Variants in CXCL16 observed in about 807,000 individuals in gnomAD.
CXCL16 encodes C-X-C motif chemokine ligand 16.
In CXCL16, 18 loss-of-function variants were observed where a neutral mutation model predicts 23.8. The observed-to-expected ratio is 0.76, with a 90% CI of 0.52 to 1.12. CXCL16 has a LOEUF of 1.12. CXCL16 is among the 50% of genes most tolerant of loss of function. CXCL16 has a pLI of 0.00. For missense variants in CXCL16, 297 were observed against 315.4 expected (o/e 0.94, Z 0.44); for synonymous variants, 123 against 132.5 (o/e 0.93, Z 0.49).
chr17:4,739,680 G>A lies in CXCL16; in HGVS notation c.-341C>T, dbSNP rs1045141935. On this transcript the variant is annotated 5_prime_UTR_variant, in exon 1 of 6. Transcript: ENST00000293778. The surrounding 1 kb of genome is among the most constrained non-coding windows in gnomAD (Gnocchi z 5.3). The stretch of plus-strand genomic sequence containing the variant: ...AAAACTCCGGCGGCGGGCGAGGAGG[G>A]GCGGGAGGACGACGGCCCGAGGAGC... The A allele has an allele frequency of 2.0e-5, 15 of 739,902 alleles. No individual in the cohort carries two copies. Among genetic ancestry groups the A allele is most frequent in the Middle Eastern group, 8.5e-4 (2 of 2,346 alleles). 45.8% of individuals were successfully genotyped at this position (739,902 alleles called of 1,614,324 possible). A position where few individuals can be genotyped will look rare whatever the true frequency, so the allele number is the denominator to read the frequency against.
chr17:4,735,099 G>A lies in CXCL16; in HGVS notation c.711C>T (p.Ser237=), dbSNP rs1220083144. The change falls in exon 4 of 6, where the codon TCC becomes TCT. Residue 237 remains serine (S), a synonymous_variant. Transcript: ENST00000293778. ...TTCAAAGGTCCAGTTTACCTGGAGA[G>A]GACTGCGGTGACTGCCCCCTCCTCC... ...CKRRRGQSPQ[S]SPDLPVHYIP... 1 of 1,607,988 alleles carries A rather than the reference G, an allele frequency of 6.2e-7. No individual in the cohort carries two copies. The highest frequency in any genetic ancestry group is 8.5e-7 in the Non-Finnish European group (1 of 1,175,836).
In CXCL16 at chr17:4,734,481, T is replaced by C; in HGVS notation, c.*24-2A>G. The C allele has an allele frequency of 1.3e-6, 1 of 753,062 alleles. No homozygotes were observed. Among genetic ancestry groups the C allele is most frequent in the Non-Finnish European group, 2.2e-6 (1 of 445,864 alleles). The allele number at this position is 753,062 out of a possible 1,614,324, so 46.6% of individuals were successfully genotyped here. On this transcript the variant is annotated splice_acceptor_variant, in intron 5 of 5. Transcript: ENST00000293778. LOFTEE classifies it low-confidence loss of function (3UTR_SPLICE). ...GCCTGGGCAACATAGAGTCCGTCTC[T>C]AAAAAACAAAAAACAAAAACAAGTA... is the stretch of plus-strand genomic sequence containing the variant.
Position 4,734,614 on chromosome 17 carries a change from T to C in CXCL16, c.757A>G (p.Asn253Asp). Residue 253 changes from asparagine (N) to aspartate (D), a missense_variant, in exon 5 of 6, where the codon AAT (asparagine) becomes GAT (aspartate). Asn to Asp is a conservative substitution (Grantham distance 23). Transcript: ENST00000293778. ...AAGCTTCCATTCTTGGCTCAGGTAT[T>C]AGAGTCAGGTGCCACAGGTATATAA... ...VHYIPVAPDSNT is the reference protein window; with the variant it reads ...VHYIPVAPDSDT 1 of 1,611,562 alleles carries C rather than the reference T, an allele frequency of 6.2e-7. No individual in the cohort carries two copies.
At chr17:4,736,070 CA>C (rs943344233) in intron 3 of CXCL16, among the ~76,000 whole-genome samples, 61 of 98,186 alleles carry the variant, frequency 6.2e-4, no homozygotes, top group Non-Finnish European at 5.3e-4. Flanking sequence ...AACTCCATCT[CA>C]AAAAAAAAAA....
In CXCL16 at chr17:4,734,618, G is replaced by A. The variant is rs1464791046; in HGVS notation, c.753C>T (p.Asp251=). ...TTCCATTCTTGGCTCAGGTATTAGA[G>A]TCAGGTGCCACAGGTATATAATGAA... is the stretch of plus-strand genomic sequence containing the variant. The part of the protein sequence containing the change: ...LPVHYIPVAP[D]SNT The change falls in exon 5 of 6, where the codon GAC becomes GAT. Residue 251 remains aspartate, a synonymous_variant. Transcript: ENST00000293778. The A allele has an allele frequency of 6.2e-7, 1 of 1,611,798 alleles. No homozygotes were observed. Among genetic ancestry groups the A allele is most frequent in the Non-Finnish European group, 8.5e-7 (1 of 1,177,926 alleles).
chr17:4,734,400 C>T lies in CXCL16; in HGVS notation c.*103G>A. ...GATGTGGTAGGTGACGCCTATAATC[C>T]TCGCACCTTCAGAGGCCAAGGTGGG... On this transcript the variant is annotated 3_prime_UTR_variant, in exon 6 of 6. Coordinates refer to ENST00000293778, the MANE Select transcript of CXCL16 (RefSeq NM_001386809.1). 2.1e-6 allele frequency: 1 copy of T among 486,212 alleles called. No individual in the cohort carries two copies. The highest frequency in any genetic ancestry group is 3.8e-6 in the Non-Finnish European group (1 of 264,414). 30.1% of individuals were successfully genotyped at this position (486,212 alleles called of 1,614,324 possible).
At position 4,735,113 on chromosome 17, in the gene CXCL16, G is replaced by A. The variant is rs1164133738; in HGVS notation, c.697C>T (p.Gln233Ter). Residue 233 changes from glutamine (Q) to a stop codon, truncating the protein, a stop_gained, in exon 4 of 6, where the codon CAG (glutamine) becomes TAG (stop). Coordinates refer to ENST00000293778, the MANE Select transcript of CXCL16 (RefSeq NM_001386809.1). LOFTEE classifies it high-confidence loss of function. The part of the protein sequence containing the change: ...SYVLCKRRRG[Q>*]SPQSSPDLPV... ...TTACCTGGAGAGGACTGCGGTGACT[G>A]CCCCCTCCTCCTCTTGCACAGCACA... The A allele has an allele frequency of 1.2e-6, 2 of 1,610,314 alleles. No individual in the cohort carries two copies. Among genetic ancestry groups the A allele is most frequent in the African/African-American group, 1.3e-5 (1 of 74,988 alleles).
intron 3 of CXCL16, chr17:4,736,424 T>C (rs1391888384): frequency 6.6e-6 from 1 of 152,108 alleles, no homozygotes; most frequent in African/African-American, 2.4e-5. Context: ...ACGGAAAAGG[T>C]AGGGGACAAG....
chr17:4,737,600 GAA>G (rs1409854532), intron 3 of CXCL16, among the ~76,000 whole-genome samples: 5 of 95,204 alleles, frequency 5.3e-5, no homozygotes, highest in African/African-American at 1.8e-4. Flanking sequence ...AAAAAAAAAA[GAA>G]ATGCATCAAG....
chr17:4,736,730 C>T (rs866415736), intron 3 of CXCL16, among the ~76,000 whole-genome samples: 119 of 152,264 alleles, frequency 7.8e-4, no homozygotes, highest in African/African-American at 2.6e-3. Flanking sequence ...ATGGAAGAAC[C>T]TTTTGTATTT....
At position 4,737,570 on chromosome 17, in the gene CXCL16, T is replaced by C. The variant is rs749415796; in HGVS notation, c.301+838A>G. On this transcript the variant is annotated intron_variant, in intron 3 of 5. Coordinates refer to ENST00000293778, the MANE Select transcript of CXCL16 (RefSeq NM_001386809.1). ...TCCAGCCTGGGCGACAGAGCAAGAC[T>C]CCATTAAAAAAAAAAAAAAAAAAAA... Among the ~76,000 whole-genome samples the C allele has an allele frequency of 6.7e-3, 448 of 67,306 alleles. 5 individuals are homozygous for C. Among genetic ancestry groups the C allele is most frequent in the Non-Finnish European group, 8.0e-3 (302 of 37,552 alleles). 44.2% of individuals were successfully genotyped at this position (67,306 alleles called of 152,430 possible).
chr17:4,734,545 C>T, intron 5 of CXCL16, 38 bp downstream of exon 5: 1 of 1,393,582 alleles, frequency 7.2e-7, no homozygotes, highest in East Asian at 2.3e-5. Flanking sequence ...GGTCAGTCTC[C>T]TTTATTACAC....
Position 4,738,859 on chromosome 17 carries a change from G to A in CXCL16, c.141C>T (p.Asp47=). 1 of 1,614,142 alleles carries A rather than the reference G, an allele frequency of 6.2e-7. No individual in the cohort carries two copies. Among genetic ancestry groups the A allele is most frequent in the Non-Finnish European group, 8.5e-7 (1 of 1,180,000 alleles). Reference sequence around the variant, plus strand: ...TCATGAACTGAACCGATGGCGGGGAGTCGGAAGAAATTCTTTTACCACAAT... The same window carrying A: ...TCATGAACTGAACCGATGGCGGGGAATCGGAAGAAATTCTTTTACCACAAT... ...SCYCGKRISS[D]SPPSVQFMNR... is the part of the protein sequence containing the mutation. The change falls in exon 2 of 6, where the codon GAC becomes GAT. Residue 47 remains aspartate (D), a synonymous_variant. Transcript: ENST00000293778. The surrounding 1 kb of genome is among the most constrained non-coding windows in gnomAD (Gnocchi z 4.0).
At chr17:4,735,530 AATCAGGACT>A in intron 3 of CXCL16, 22 bp from the exon 4 acceptor site, 1 of 1,495,144 alleles carries the variant, frequency 6.7e-7, no homozygotes, top group Non-Finnish European at 8.9e-7. Context: ...AGAAATGAGG[AATCAGGACT>A]ATCAGGAGAC....
At position 4,734,635 on chromosome 17, in the gene CXCL16, T is replaced by G. The variant is rs1476725709; in HGVS notation, c.736A>C (p.Ile246Leu). 6.2e-7 allele frequency: 1 copy of G among 1,612,128 alleles called. No individual in the cohort carries two copies. The highest frequency in any genetic ancestry group is 8.5e-7 in the Non-Finnish European group (1 of 1,178,358). Residue 246 changes from isoleucine (I) to leucine (L), a missense_variant, in exon 5 of 6, where the codon ATA becomes CTA. Ile to Leu is a conservative substitution (Grantham distance 5). Coordinates refer to ENST00000293778, the MANE Select transcript of CXCL16 (RefSeq NM_001386809.1). ...QSSPDLPVHY[I>L]PVAPDSNT is the part of the protein sequence containing the mutation. Reference sequence around the variant, plus strand: ...GTATTAGAGTCAGGTGCCACAGGTATATAATGAACCGGCAGATCTGGAAAG... The same window carrying G: ...GTATTAGAGTCAGGTGCCACAGGTAGATAATGAACCGGCAGATCTGGAAAG...
In CXCL16 at chr17:4,739,232, C is replaced by A; in HGVS notation, c.79+29G>T. 1 of 1,570,764 alleles carries A rather than the reference C, an allele frequency of 6.4e-7. No homozygotes were observed. Among genetic ancestry groups the A allele is most frequent in the Non-Finnish European group, 8.6e-7 (1 of 1,157,188 alleles). On this transcript the variant is annotated intron_variant, in intron 1 of 5. Coordinates refer to ENST00000293778, the MANE Select transcript of CXCL16 (RefSeq NM_001386809.1). The surrounding 1 kb of genome is among the most constrained non-coding windows in gnomAD (Gnocchi z 5.3). ...CACCCCCTTCCCGTGACAGGGGAATCTGGGTCCCCTGCCCCGCCCCCGGCT... is the reference window on the plus strand; with the variant it reads ...CACCCCCTTCCCGTGACAGGGGAATATGGGTCCCCTGCCCCGCCCCCGGCT...
At position 4,738,422 on chromosome 17, in the gene CXCL16, C is replaced by A. The variant is rs772272880; in HGVS notation, c.287G>T (p.Cys96Phe). ...AAAAGTCTCACCTTTGAGATCAAGA[C>A]AGCTCATCAATTCCTGAACCCATGG... is the stretch of plus-strand genomic sequence containing the variant. ...KDPWVQELMS[C>F]LDLKECGHAY... Residue 96 changes from cysteine (C) to phenylalanine (F), a missense_variant, in exon 3 of 6, where the codon TGT (cysteine) becomes TTT (phenylalanine). Transcript: ENST00000293778. The surrounding 1 kb of genome is among the most constrained non-coding windows in gnomAD (Gnocchi z 4.0). 1 of 1,613,864 alleles carries A rather than the reference C, an allele frequency of 6.2e-7. No individual in the cohort carries two copies. Among genetic ancestry groups the A allele is most frequent in the Admixed American group, 1.7e-5 (1 of 60,018 alleles).
At position 4,739,429 on chromosome 17, in the gene CXCL16, A is replaced by G. The variant is rs762907110; in HGVS notation, c.-90T>C. 13 of 1,591,884 alleles carry G rather than the reference A, an allele frequency of 8.2e-6. No homozygotes were observed. Among genetic ancestry groups the G allele is most frequent in the Non-Finnish European group, 3.4e-6 (4 of 1,166,272 alleles). On this transcript the variant is annotated 5_prime_UTR_variant, in exon 1 of 6. Transcript: ENST00000293778. This position sits in a 1 kb window ranked among gnomAD's most constrained non-coding sequence, Gnocchi z 5.3. ...CGCGTGACGTCCAGCTGGTGTCTCA[A>G]TGGCTTTCGCCGGGGACCGGAGGAG...
intron 3 of CXCL16, among the ~76,000 whole-genome samples, chr17:4,736,900 C>A (rs1916169195): frequency 6.6e-6 from 1 of 152,026 alleles, no homozygotes. Flanking sequence ...CTCACTGCAA[C>A]CTCCGCCTCC....
Sources: allele counts gnomAD v4.1 joint callset (sites outside exome capture counted in the v4.1 genomes callset), GRCh38; gene constraint gnomAD v4.1.1; non-coding constraint Gnocchi (gnomAD v3.1); transcripts MANE v1.5; gene names NCBI Gene and HGNC (gene_info 2026-07-23, HGNC 2026-07-21).